MYT1L: variants seen among roughly 807,000 people sequenced by gnomAD.
MYT1L encodes the protein myelin transcription factor 1 like, also known as myelin transcription factor 1-like protein.
MYT1L carries 12 observed loss-of-function variants against 126.7 expected under a neutral mutation model. The observed-to-expected ratio is 0.09, with a 90% CI of 0.06 to 0.15. MYT1L has a LOEUF of 0.15. MYT1L is among the 10% of genes least tolerant of loss of function. The pLI is 1.00. For synonymous variants in MYT1L, 541 were observed against 604.2 expected, an observed-to-expected ratio of 0.90 and a Z score of 1.53; for missense variants, 979 against 1,585.2, an observed-to-expected ratio of 0.62 and a Z score of 6.49.
At chr2:2,161,036 G>A (rs1247759936) in intron 3 of MYT1L, among the ~76,000 whole-genome samples, 2 of 152,090 alleles carry the variant, frequency 1.3e-5, no homozygotes, top group East Asian at 3.9e-4. Context: ...GCCCAACGTG[G>A]TGAAACCCCA....
intron 4 of MYT1L, among the ~76,000 whole-genome samples, chr2:2,015,515 T>C (rs1421499914): frequency 1.3e-5 from 2 of 152,156 alleles, no homozygotes; most frequent in Non-Finnish European, 2.9e-5. Context: ...GGGCTATCTT[T>C]GGGCCTTCCA....
chr2:2,002,348 A>G (rs2062478339), intron 4 of MYT1L, among the ~76,000 whole-genome samples: 1 of 152,200 alleles, frequency 6.6e-6, no homozygotes, highest in African/African-American at 2.4e-5. Context: ...TGGTAATAAG[A>G]TACTGAAAAC....
At chr2:2,153,040 G>A (rs139313520) in intron 3 of MYT1L, among the ~76,000 whole-genome samples, 7 of 152,206 alleles carry the variant, frequency 4.6e-5, no homozygotes, top group African/African-American at 1.4e-4. Context: ...GCTTGTGCCT[G>A]TAATCTCAGC....
chr2:2,190,488 G>C (rs1039577017), intron 2 of MYT1L, among the ~76,000 whole-genome samples: 2 of 150,440 alleles, frequency 1.3e-5, no homozygotes, highest in African/African-American at 4.9e-5. Context: ...GACTTCCTGG[G>C]GATCTGTCTC....
At chr2:1,951,673 A>G (rs1333312534) in intron 8 of MYT1L, among the ~76,000 whole-genome samples, 1 of 152,240 alleles carries the variant, frequency 6.6e-6, no homozygotes, top group Non-Finnish European at 1.5e-5. Flanking sequence ...CAGTCTATCC[A>G]TCTGTGAGAT....
chr2:2,271,553 G>A (rs2095263543), intron 2 of MYT1L, among the ~76,000 whole-genome samples: 1 of 152,214 alleles, frequency 6.6e-6, no homozygotes, highest in Non-Finnish European at 1.5e-5. Context: ...AAGGCGCTGA[G>A]GTCATCTGGT....
At chr2:1,831,371 C>T (rs949124095) in intron 21 of MYT1L, among the ~76,000 whole-genome samples, 1 of 152,230 alleles carries the variant, frequency 6.6e-6, no homozygotes, top group Non-Finnish European at 1.5e-5. Flanking sequence ...TTTCTTCCTC[C>T]TGGTTTCTCC....
rs77994301 is a variant in MYT1L at position 1,834,184 on chromosome 2, C to T, written c.3080+4965G>A. On this transcript the variant is annotated intron_variant, in intron 21 of 24. Transcript: ENST00000647738. Reference sequence around the variant, plus strand: ...CTGCTTCTAACCGCTGCTTTGTTTGCGCAGTGGGTGGGATGCACAGGGGCC... The same window carrying T: ...CTGCTTCTAACCGCTGCTTTGTTTGTGCAGTGGGTGGGATGCACAGGGGCC... Among the ~76,000 whole-genome samples the T allele has an allele frequency of 1.5e-4, 23 of 152,332 alleles. 1 individual carries two copies. Among genetic ancestry groups the T allele is most frequent in the East Asian group, 1.2e-3 (6 of 5,186 alleles).
intron 18 of MYT1L, among the ~76,000 whole-genome samples, chr2:1,859,877 G>A (rs1055695921): frequency 6.6e-6 from 1 of 152,218 alleles, no homozygotes; most frequent in Admixed American, 6.5e-5. Context: ...AAGGGGACCC[G>A]GGCCGCGCTG....
chr2:1,893,219 G>A (rs1280321477), intron 14 of MYT1L, among the ~76,000 whole-genome samples: 2 of 152,310 alleles, frequency 1.3e-5, no homozygotes, highest in Middle Eastern at 3.4e-3. Context: ...CAATGTTTCA[G>A]TCCAGGATTT....
At chr2:2,028,487 A>G (rs2065875777) in intron 4 of MYT1L, among the ~76,000 whole-genome samples, 1 of 152,216 alleles carries the variant, frequency 6.6e-6, no homozygotes, top group South Asian at 2.1e-4. Context: ...AGAGTAGGAA[A>G]AGAAAATGAA....
At position 2,304,897 on chromosome 2, in the gene MYT1L, C is replaced by G. The variant is rs1044576810; in HGVS notation, c.-520-20394G>C. 5.3e-5 allele frequency among the ~76,000 whole-genome samples: 8 copies of G among 152,304 alleles called. No homozygotes were observed. In the East Asian group the frequency reaches 1.5e-3, roughly 29 times the overall value. Reference sequence around the variant, plus strand: ...AGAATGAACTGTCTTGTGGGTGCCACTAGCCACATGGGCTCTTGAGCCCTG... The same window carrying G: ...AGAATGAACTGTCTTGTGGGTGCCAGTAGCCACATGGGCTCTTGAGCCCTG... On this transcript the variant is annotated intron_variant, in intron 1 of 24. Transcript: ENST00000647738.
intron 22 of MYT1L, among the ~76,000 whole-genome samples, chr2:1,803,153 A>T (rs1049111403): frequency 6.6e-6 from 1 of 152,218 alleles, no homozygotes; most frequent in Non-Finnish European, 1.5e-5. Context: ...GTGAAACGAA[A>T]AAAAAGTTAT....
chr2:1,992,755 C>T (rs2061541413), intron 5 of MYT1L, among the ~76,000 whole-genome samples: 1 of 152,214 alleles, frequency 6.6e-6, no homozygotes, highest in Non-Finnish European at 1.5e-5. Flanking sequence ...CAAAGCAGAC[C>T]TCCTTCTTGC....
chr2:2,220,435 TAA>T (rs979802266), intron 2 of MYT1L, among the ~76,000 whole-genome samples: 4 of 152,170 alleles, frequency 2.6e-5, no homozygotes, highest in Admixed American at 2.6e-4. Flanking sequence ...CAGGTTAAGA[TAA>T]AAGATTGTGG....
intron 3 of MYT1L, among the ~76,000 whole-genome samples, chr2:2,111,061 T>C (rs1436625895): frequency 6.6e-6 from 1 of 152,162 alleles, no homozygotes; most frequent in Non-Finnish European, 1.5e-5. Context: ...AGCTATTCCC[T>C]TTGAGGGACA....
intron 21 of MYT1L, among the ~76,000 whole-genome samples, chr2:1,838,026 C>G (rs2041144543): frequency 6.6e-6 from 1 of 152,044 alleles, no homozygotes; most frequent in African/African-American, 2.4e-5. Context: ...ATTATCCTGC[C>G]TCAGCCTCCC....
At chr2:2,001,253 G>A (rs72767327) in intron 4 of MYT1L, among the ~76,000 whole-genome samples, 11 of 43,488 alleles carry the variant, frequency 2.5e-4, no homozygotes, top group African/African-American at 1.1e-3. Flanking sequence ...TTTTTTTTTT[G>A]CTTTTTTTTT....
At chr2:2,298,555 G>A (rs868194369) in intron 1 of MYT1L, among the ~76,000 whole-genome samples, 22 of 152,110 alleles carry the variant, frequency 1.4e-4, no homozygotes, top group Admixed American at 6.5e-4. Context: ...ACATAAATAC[G>A]TAATGTGATA....
Sources: gnomAD v4.1 joint callset for allele counts (sites outside exome capture counted in the v4.1 genomes callset) on GRCh38, gnomAD v4.1.1 for gene constraint, MANE v1.5 for transcripts, NCBI Gene and HGNC (gene_info 2026-07-23, HGNC 2026-07-21) for gene names.